The following FRMPD3 variants were observed in gnomAD, a reference collection of about 807,000 sequenced individuals.
FRMPD3 encodes FERM and PDZ domain-containing protein 3.
FRMPD3 carries 42 observed loss-of-function variants against 97.9 expected under a neutral mutation model. The observed-to-expected ratio is 0.43, with a 90% CI of 0.34 to 0.55. The LOEUF is 0.55. Among genes scored for constraint, FRMPD3 ranks in the 20% least tolerant of loss-of-function variants. The probability of loss-of-function intolerance (pLI) is 0.03; values close to 1 mark genes in which losing one functional copy is unlikely to be tolerated. For missense variants in FRMPD3, 1,303 were observed against 1,457.7 expected (o/e 0.89, Z 1.73); for synonymous variants, 577 against 581.1 (o/e 0.99, Z 0.10).
chrX:107,479,835 T>TACACACAC (rs72364087), intron 1 of FRMPD3, among the ~76,000 whole-genome samples: 9 of 94,339 alleles, frequency 9.5e-5, no homozygotes, highest in East Asian at 6.9e-4. Context: ...TTACCATGAT[T>TACACACAC]ACACACACAC....
intron 1 of FRMPD3, among the ~76,000 whole-genome samples, chrX:107,488,031 C>G (rs192418743): frequency 2.5e-4 from 28 of 111,503 alleles, no homozygotes; most frequent in African/African-American, 7.8e-4. Flanking sequence ...CTCATTTCCC[C>G]TTTCTCCTCC....
chrX:107,564,215 G>A (rs1272403797), intron 11 of FRMPD3, among the ~76,000 whole-genome samples: 5 of 111,966 alleles, frequency 4.5e-5, no homozygotes, highest in Non-Finnish European at 9.4e-5. Flanking sequence ...AACACTGAAA[G>A]CCCACTGTCC....
chrX:107,597,710 T>C lies in FRMPD3; in HGVS notation c.1831T>C (p.Tyr611His). The C allele has an allele frequency of 8.3e-7, 1 of 1,208,883 alleles. No homozygotes were observed. Among genetic ancestry groups the C allele is most frequent in the Non-Finnish European group, 1.1e-6 (1 of 894,371 alleles). ...NSLGAEALNFYCDSCKAKLQE... is the reference protein window; with the variant it reads ...NSLGAEALNFHCDSCKAKLQE... ...CCTTGGGGCTGAAGCCCTGAATTTCTACTGTGACTCTTGCAAAGCCAAACT... is the reference window on the plus strand; with the variant it reads ...CCTTGGGGCTGAAGCCCTGAATTTCCACTGTGACTCTTGCAAAGCCAAACT... Residue 611 changes from tyrosine (Y) to histidine (H), a missense_variant, in exon 14 of 15, where the codon TAC becomes CAC. Transcript: ENST00000683843.
intron 8 of FRMPD3, among the ~76,000 whole-genome samples, chrX:107,558,938 A>G (rs1223639468): frequency 1.8e-5 from 2 of 108,996 alleles, no homozygotes. Context: ...ACCTGCCTCA[A>G]CCTCCCAAAG....
chrX:107,490,313 C>A (rs1395925394), intron 1 of FRMPD3, among the ~76,000 whole-genome samples: 1 of 112,023 alleles, frequency 8.9e-6, no homozygotes, highest in African/African-American at 3.2e-5. Flanking sequence ...ATTGACTTGG[C>A]AGTGCAGGCT....
chrX:107,543,046 AC>A (rs1252602038), intron 4 of FRMPD3, among the ~76,000 whole-genome samples: 1 of 112,090 alleles, frequency 8.9e-6, no homozygotes, highest in Non-Finnish European at 1.9e-5. Flanking sequence ...CTCCATCAGT[AC>A]CATCCTAGCC....
chrX:107,588,613 G>T (rs777762816), intron 13 of FRMPD3, among the ~76,000 whole-genome samples: 5 of 111,839 alleles, frequency 4.5e-5, no homozygotes, highest in Admixed American at 1.9e-4. Flanking sequence ...CTGAATTTGC[G>T]TGTTGGTCTG....
intron 1 of FRMPD3, among the ~76,000 whole-genome samples, chrX:107,525,965 A>G (rs1435770477): frequency 1.8e-5 from 2 of 110,566 alleles, no homozygotes; most frequent in African/African-American, 3.3e-5. Flanking sequence ...AGTCCCAGCT[A>G]CTCGGGAGGC....
chrX:107,452,098 T>A (rs1239118558), intron 1 of FRMPD3, among the ~76,000 whole-genome samples: 1 of 112,062 alleles, frequency 8.9e-6, no homozygotes, highest in Non-Finnish European at 1.9e-5. Flanking sequence ...AACATTTGCA[T>A]TTTTAAAGGA....
At chrX:107,497,868 C>T (rs1406277262) in intron 1 of FRMPD3, among the ~76,000 whole-genome samples, 1 of 111,840 alleles carries the variant, frequency 8.9e-6, no homozygotes, top group Non-Finnish European at 1.9e-5. Context: ...GTGGTGTTTT[C>T]GTGCCAACGT....
intron 1 of FRMPD3, among the ~76,000 whole-genome samples, chrX:107,479,813 A>G (rs1380065643): frequency 1.5e-4 from 15 of 97,123 alleles, no homozygotes; most frequent in Non-Finnish European, 2.8e-4. Context: ...TAAATTTTAT[A>G]TTATGTATAT....
At chrX:107,593,886 A>G (rs1924030938) in intron 13 of FRMPD3, among the ~76,000 whole-genome samples, 1 of 109,858 alleles carries the variant, frequency 9.1e-6, no homozygotes, top group African/African-American at 3.4e-5. Context: ...TATAAATTTT[A>G]GGATTTTTTT....
chrX:107,521,080 T>C (rs1054008232), intron 1 of FRMPD3, among the ~76,000 whole-genome samples: 4 of 112,290 alleles, frequency 3.6e-5, no homozygotes, highest in Non-Finnish European at 3.8e-5. Flanking sequence ...GTCTTTCAGA[T>C]CTTCTCTCTA....
intron 1 of FRMPD3, among the ~76,000 whole-genome samples, chrX:107,518,107 T>G (rs1425633692): frequency 9.1e-6 from 1 of 110,157 alleles, no homozygotes; most frequent in Non-Finnish European, 1.9e-5. Context: ...GAAGTGAAAA[T>G]AAAAAGGAAC....
chrX:107,466,910 C>T (rs982234232), intron 1 of FRMPD3, among the ~76,000 whole-genome samples: 3 of 111,670 alleles, frequency 2.7e-5, no homozygotes, highest in Non-Finnish European at 5.6e-5. Flanking sequence ...ACCACATTCA[C>T]AGTCCATAGC....
intron 1 of FRMPD3, chrX:107,525,793 G>A: frequency 2.2e-6 from 1 of 458,846 alleles, no homozygotes; most frequent in African/African-American, 2.4e-5. Flanking sequence ...GCATCAAGAT[G>A]AGCCAGGCAT....
At chrX:107,565,100 G>A in intron 12 of FRMPD3, 34 bp downstream of exon 12, 1 of 1,105,483 alleles carries the variant, frequency 9.0e-7, no homozygotes, top group Non-Finnish European at 1.2e-6. Flanking sequence ...CTTCTGTTTA[G>A]GAACAGGCCT....
Position 107,605,102 on chromosome X carries a change from C to A in FRMPD3, c.*1729C>A, listed in dbSNP as rs1289733975. The A allele has an allele frequency of 9.0e-6, 1 of 110,954 alleles. No homozygotes were observed. Among genetic ancestry groups the A allele is most frequent in the Non-Finnish European group, 1.9e-5 (1 of 52,992 alleles). 9.1% of individuals were successfully genotyped at this position (110,954 alleles called of 1,213,427 possible). Reference sequence around the variant, plus strand: ...CCTGTGTCATTCCACCGCCATCCTTCACCTCTCCCTCAGCCTCATGGAGAG... The same window carrying A: ...CCTGTGTCATTCCACCGCCATCCTTAACCTCTCCCTCAGCCTCATGGAGAG... On this transcript the variant is annotated 3_prime_UTR_variant, in exon 15 of 15. Coordinates refer to ENST00000683843, the MANE Select transcript of FRMPD3 (RefSeq NM_001388459.1).
Position 107,602,097 on chromosome X carries a change from G to A in FRMPD3, c.4058G>A (p.Arg1353His). Residue 1353 changes from arginine to histidine, a missense_variant, in exon 15 of 15, where the codon CGT becomes CAT. Around this residue, in one of 3 missense-constraint regions of FRMPD3, gnomAD observed 764 missense variants for 820.2 expected, o/e 0.93. Coordinates refer to ENST00000683843, the MANE Select transcript of FRMPD3 (RefSeq NM_001388459.1). The stretch of plus-strand genomic sequence containing the variant: ...AGCCCCATCAATGTCCAGCGCATTC[G>A]TTCTACCAGCCTGGAGTCCCGAGAG... ...LSSPINVQRI[R>H]STSLESRECR... The A allele has an allele frequency of 1.7e-6, 2 of 1,208,475 alleles. No individual in the cohort carries two copies. The highest frequency in any genetic ancestry group is 3.0e-5 in the East Asian group (1 of 33,839).
Sources: gnomAD v4.1 joint callset for allele counts (sites outside exome capture counted in the v4.1 genomes callset) on GRCh38, gnomAD v4.1.1 for gene constraint, gnomAD v4.1.1 regional missense constraint, MANE v1.5 for transcripts, NCBI Gene and HGNC (gene_info 2026-07-23, HGNC 2026-07-21) for gene names.